Variants in LRP12 observed in about 807,000 individuals in gnomAD.
LRP12 encodes LDL receptor related protein 12, also known as low-density lipoprotein receptor-related protein 12.
Under a neutral mutation model 66.0 loss-of-function variants are expected in LRP12, and 14 were observed. That is an observed-to-expected ratio of 0.21 (90% CI 0.14 to 0.33). LRP12 has a LOEUF of 0.33. LRP12 is among the 10% of genes least tolerant of loss of function. The pLI is 1.00. For missense variants in LRP12, 889 were observed against 1,053.4 expected (o/e 0.84, Z 2.16); for synonymous variants, 357 against 359.1 (o/e 0.99, Z 0.07).
chr8:104,540,395 C>T (rs1453190048), intron 1 of LRP12, among the ~76,000 whole-genome samples: 2 of 152,120 alleles, frequency 1.3e-5, no homozygotes, highest in African/African-American at 4.8e-5. Context: ...CTACTTTCCC[C>T]ATGTAGGTCT....
intron 1 of LRP12, among the ~76,000 whole-genome samples, chr8:104,545,853 A>C (rs1811548027): frequency 6.6e-6 from 1 of 152,102 alleles, no homozygotes. Flanking sequence ...TTATGCTTCT[A>C]ATTTTTCTTC....
intron 1 of LRP12, chr8:104,566,297 A>T: frequency 3.3e-6 from 1 of 298,814 alleles, no homozygotes; most frequent in Non-Finnish European, 6.1e-6. Context: ...GGAGACCAAC[A>T]TTAAGGTGAT....
intron 1 of LRP12, among the ~76,000 whole-genome samples, chr8:104,584,657 GC>G (rs34612569): frequency 0.42 from 63,974 of 151,782 alleles, 14,683 homozygotes; most frequent in African/African-American, 0.62. Context: ...AATACTTTCT[GC>G]CCTGATAACC....
intron 6 of LRP12, 49 bp from the exon 7 acceptor site, chr8:104,491,588 G>T: frequency 3.0e-4 from 211 of 705,392 alleles, no homozygotes; most frequent in Middle Eastern, 1.5e-3. Flanking sequence ...AAGGTACTAA[G>T]ATAAAAAAAA....
At chr8:104,520,084 T>A (rs1216204141) in intron 2 of LRP12, among the ~76,000 whole-genome samples, 1 of 151,080 alleles carries the variant, frequency 6.6e-6, no homozygotes, top group Non-Finnish European at 1.5e-5. Context: ...CATAGCACAG[T>A]ATGAATGAAG....
chr8:104,547,681 TATA>T (rs1366516838), intron 1 of LRP12, among the ~76,000 whole-genome samples: 8 of 85,934 alleles, frequency 9.3e-5, no homozygotes, highest in African/African-American at 5.5e-4. Context: ...TTATATTTTG[TATA>T]ATATAAAATC....
rs1188718123 is a variant in LRP12 at position 104,490,975 on chromosome 8, G to A, written c.2278C>T (p.Leu760Phe). The A allele has an allele frequency of 1.2e-6, 2 of 1,613,952 alleles. No homozygotes were observed. Among genetic ancestry groups the A allele is most frequent in the Middle Eastern group, 1.6e-4 (1 of 6,062 alleles). Residue 760 changes from leucine to phenylalanine, a missense_variant, in exon 7 of 7, where the codon CTT becomes TTT. Physicochemically the swap from Leu to Phe is conservative, Grantham distance 22 (BLOSUM62 0). Transcript: ENST00000276654. ...LSQNQSPLRQ[L>F]DNGVSGREDD... Reference sequence around the variant, plus strand: ...TCTCTTCCACTTACCCCATTATCAAGTTGTCTCAAAGGACTCTGGTTCTGA... The same window carrying A: ...TCTCTTCCACTTACCCCATTATCAAATTGTCTCAAAGGACTCTGGTTCTGA...
intron 1 of LRP12, among the ~76,000 whole-genome samples, chr8:104,552,106 C>T (rs1276383944): frequency 6.6e-6 from 1 of 152,220 alleles, no homozygotes; most frequent in Non-Finnish European, 1.5e-5. Flanking sequence ...TCAAACCCAA[C>T]TATTCCCTTG....
intron 2 of LRP12, among the ~76,000 whole-genome samples, chr8:104,516,272 G>A (rs977456673): frequency 6.6e-6 from 1 of 151,826 alleles, no homozygotes; most frequent in African/African-American, 2.4e-5. Flanking sequence ...CTTCTTAGTA[G>A]GAACCTACAG....
At chr8:104,540,924 G>A (rs1326406088) in intron 1 of LRP12, among the ~76,000 whole-genome samples, 2 of 152,044 alleles carry the variant, frequency 1.3e-5, no homozygotes, top group African/African-American at 4.8e-5. Flanking sequence ...AGTAGAGACG[G>A]GGTTTCACCA....
chr8:104,514,770 C>T (rs1292323077), intron 2 of LRP12, among the ~76,000 whole-genome samples: 5 of 152,156 alleles, frequency 3.3e-5, no homozygotes, highest in Admixed American at 2.0e-4. Context: ...TACTAGTACA[C>T]AGGATGTTCC....
At chr8:104,547,252 T>C (rs1811585883) in intron 1 of LRP12, among the ~76,000 whole-genome samples, 1 of 139,756 alleles carries the variant, frequency 7.2e-6, no homozygotes, top group Admixed American at 7.5e-5. Flanking sequence ...TACAATTCTG[T>C]TATATCATAT....
Position 104,588,907 on chromosome 8 carries a change from A to C in LRP12, c.-10T>G. 6.3e-7 allele frequency: 1 copy of C among 1,598,028 alleles called. No homozygotes were observed. The highest frequency in any genetic ancestry group is 8.5e-7 in the Non-Finnish European group (1 of 1,171,474). On this transcript the variant is annotated 5_prime_UTR_variant, in exon 1 of 7. Transcript: ENST00000276654. The stretch of plus-strand genomic sequence containing the variant: ...TCCAGCGACAGGCCATAACCACAGC[A>C]GATGGAGAGAGAGAGGAGGAGACGG...
intron 1 of LRP12, among the ~76,000 whole-genome samples, chr8:104,569,908 T>G (rs1032259983): frequency 6.7e-6 from 1 of 149,574 alleles, no homozygotes; most frequent in Non-Finnish European, 1.5e-5. Flanking sequence ...TGCAGAAAAT[T>G]TGAGAGAAAT....
chr8:104,507,859 G>T (rs1175072320), intron 3 of LRP12: 1 of 152,148 alleles, frequency 6.6e-6, no homozygotes, highest in Non-Finnish European at 1.5e-5. Flanking sequence ...AAAAAAAGGA[G>T]ATAGATGACA....
At chr8:104,524,093 A>G (rs916729046) in intron 2 of LRP12, among the ~76,000 whole-genome samples, 4 of 151,814 alleles carry the variant, frequency 2.6e-5, no homozygotes, top group Non-Finnish European at 5.9e-5. Context: ...AAAAACAAAA[A>G]TTGGCTGGGC....
At chr8:104,542,904 T>G (rs536691940) in intron 1 of LRP12, among the ~76,000 whole-genome samples, 1 of 151,880 alleles carries the variant, frequency 6.6e-6, no homozygotes, top group East Asian at 1.9e-4. Flanking sequence ...AGAAGGAGTT[T>G]GTCTTGCAGT....
intron 2 of LRP12, among the ~76,000 whole-genome samples, chr8:104,520,735 A>G (rs1811135202): frequency 6.6e-6 from 1 of 152,080 alleles, no homozygotes; most frequent in Non-Finnish European, 1.5e-5. Flanking sequence ...ACCCAAGTAC[A>G]GTTTGCTTAT....
chr8:104,496,943 A>T, intron 5 of LRP12, 29 bp downstream of exon 5: 1 of 1,470,348 alleles, frequency 6.8e-7, no homozygotes, highest in Non-Finnish European at 9.0e-7. Context: ...GCTTTTATTG[A>T]GGCCCAATAG....
Sources: gnomAD v4.1 joint callset for allele counts (sites outside exome capture counted in the v4.1 genomes callset) on GRCh38, gnomAD v4.1.1 for gene constraint, MANE v1.5 for transcripts, NCBI Gene and HGNC (gene_info 2026-07-23, HGNC 2026-07-21) for gene names.